Variants in ADK observed in about 807,000 individuals in gnomAD.
The protein encoded by ADK is N6,N6-dimethyladenosine kinase.
ADK carries 24 observed loss-of-function variants against 44.7 expected under a neutral mutation model. The observed-to-expected ratio is 0.54, with a 90% CI of 0.39 to 0.76. The LOEUF is 0.76. Among genes scored for constraint, ADK ranks in the 30% least tolerant of loss-of-function variants. The pLI is 0.00. For synonymous variants in ADK, 128 were observed against 142.6 expected (o/e 0.90, Z 0.73); for missense variants, 321 against 425.1 (o/e 0.76, Z 2.15).
At chr10:74,685,416 G>C (rs1228639006) in intron 10 of ADK, among the ~76,000 whole-genome samples, 1 of 152,144 alleles carries the variant, frequency 6.6e-6, no homozygotes, top group African/African-American at 2.4e-5. Context: ...AAAAGATGTT[G>C]GGTTTTCTTT....
chr10:74,259,001 G>A (rs1021466359), intron 3 of ADK, among the ~76,000 whole-genome samples: 3 of 142,866 alleles, frequency 2.1e-5, no homozygotes, highest in Non-Finnish European at 4.5e-5. Context: ...GCCCAGGCTG[G>A]AGTGCAGTGG....
At chr10:74,684,478 A>G (rs1242260901) in intron 10 of ADK, among the ~76,000 whole-genome samples, 1 of 152,158 alleles carries the variant, frequency 6.6e-6, no homozygotes, top group Non-Finnish European at 1.5e-5. Context: ...AAACAATTAT[A>G]AAATAATTTA....
intron 10 of ADK, among the ~76,000 whole-genome samples, chr10:74,690,141 G>T (rs1445882609): frequency 6.6e-6 from 1 of 152,174 alleles, no homozygotes; most frequent in Non-Finnish European, 1.5e-5. Flanking sequence ...CTGCCCAAAA[G>T]CAATGTAATA....
intron 9 of ADK, among the ~76,000 whole-genome samples, chr10:74,613,015 A>G (rs1434772950): frequency 4.0e-5 from 6 of 151,838 alleles, no homozygotes. Context: ...TACCATTGCT[A>G]TTTTGGTTAC....
intron 5 of ADK, among the ~76,000 whole-genome samples, chr10:74,395,910 C>T (rs572415170): frequency 2.6e-5 from 4 of 151,928 alleles, no homozygotes; most frequent in Middle Eastern, 3.4e-3. Flanking sequence ...ACTCGGGAGA[C>T]GAAAGTAGGA....
intron 1 of ADK, among the ~76,000 whole-genome samples, chr10:74,179,671 A>G (rs1403526862): frequency 6.6e-6 from 1 of 152,190 alleles, no homozygotes; most frequent in Non-Finnish European, 1.5e-5. Flanking sequence ...GTTCTGAGAT[A>G]TCAGAACTGA....
chr10:74,615,140 T>C (rs1040900466), intron 9 of ADK, among the ~76,000 whole-genome samples: 2 of 152,218 alleles, frequency 1.3e-5, no homozygotes, highest in Non-Finnish European at 2.9e-5. Context: ...TGCTTGCCCA[T>C]ACCCTTGTAT....
intron 3 of ADK, among the ~76,000 whole-genome samples, chr10:74,285,539 T>G (rs1215708082): frequency 2.2e-5 from 2 of 90,604 alleles, no homozygotes; most frequent in African/African-American, 6.9e-5. Context: ...TATCTATATA[T>G]CTATATCTAT....
At chr10:74,690,022 G>A (rs145825324) in intron 10 of ADK, among the ~76,000 whole-genome samples, 38 of 152,234 alleles carry the variant, frequency 2.5e-4, no homozygotes, top group African/African-American at 7.2e-4. Context: ...CAGGGAACAC[G>A]CTTTGTGAAC....
At chr10:74,177,941 ATATATT>A (rs1478106955) in intron 1 of ADK, among the ~76,000 whole-genome samples, 21 of 89,160 alleles carry the variant, frequency 2.4e-4, no homozygotes, top group African/African-American at 8.4e-4. Flanking sequence ...ATATATATAT[ATATATT>A]TTTTTTTTTT....
chr10:74,302,448 A>G (rs1369364025), intron 3 of ADK, among the ~76,000 whole-genome samples: 2 of 151,138 alleles, frequency 1.3e-5, no homozygotes, highest in Admixed American at 1.3e-4. Flanking sequence ...TGGACTGTTG[A>G]TGGTTTTCTC....
intron 2 of ADK, among the ~76,000 whole-genome samples, chr10:74,204,481 A>G (rs989090862): frequency 6.6e-6 from 1 of 152,158 alleles, no homozygotes; most frequent in Non-Finnish European, 1.5e-5. Context: ...CTGTAAGTAT[A>G]TTTGGCTAAA....
At chr10:74,151,589 G>T (rs1280011089) in intron 1 of ADK, among the ~76,000 whole-genome samples, 2 of 152,216 alleles carry the variant, frequency 1.3e-5, no homozygotes, top group Non-Finnish European at 2.9e-5. Flanking sequence ...TGGCCCGCAG[G>T]GGGACCGAGC....
chr10:74,335,508 C>T (rs1841375548), intron 4 of ADK, among the ~76,000 whole-genome samples: 1 of 152,136 alleles, frequency 6.6e-6, no homozygotes, highest in African/African-American at 2.4e-5. Context: ...TCTATCCACT[C>T]TAGAGGGATA....
At chr10:74,636,558 T>A (rs1853627531) in intron 9 of ADK, among the ~76,000 whole-genome samples, 1 of 152,218 alleles carries the variant, frequency 6.6e-6, no homozygotes, top group African/African-American at 2.4e-5. Context: ...TAATTCTACA[T>A]CTACACAGAT....
At chr10:74,422,729 AAGTC>A (rs1844605128) in intron 6 of ADK, among the ~76,000 whole-genome samples, 1 of 152,140 alleles carries the variant, frequency 6.6e-6, no homozygotes, top group Non-Finnish European at 1.5e-5. Flanking sequence ...AATAGAGAAA[AAGTC>A]AGTTCCATCC....
intron 8 of ADK, among the ~76,000 whole-genome samples, chr10:74,592,628 G>A (rs1169354523): frequency 6.6e-6 from 1 of 151,662 alleles, no homozygotes; most frequent in Non-Finnish European, 1.5e-5. Context: ...TGCTCATAGG[G>A]GAAACAAAGC....
At chr10:74,707,125 T>G (rs1024149549) in intron 10 of ADK, among the ~76,000 whole-genome samples, 1 of 152,194 alleles carries the variant, frequency 6.6e-6, no homozygotes, top group African/African-American at 2.4e-5. Context: ...AGCCGCAACC[T>G]TCCAGGCTTA....
chr10:74,353,525 G>A (rs891579783), intron 4 of ADK, among the ~76,000 whole-genome samples: 19 of 148,004 alleles, frequency 1.3e-4, no homozygotes, highest in Admixed American at 4.1e-4. Context: ...GTATACCAAC[G>A]TAACAAACCT....
Sources: allele counts gnomAD v4.1 joint callset (sites outside exome capture counted in the v4.1 genomes callset), GRCh38; gene constraint gnomAD v4.1.1; transcripts MANE v1.5; gene names NCBI Gene and HGNC (gene_info 2026-07-23, HGNC 2026-07-21).